SCAPER: variants seen among roughly 807,000 people sequenced by gnomAD.
SCAPER encodes the protein S-phase cyclin A associated protein in the ER.
A neutral mutation model predicts 182.2 loss-of-function variants in SCAPER; 98 were observed. That is an observed-to-expected ratio of 0.54 (90% CI 0.46 to 0.64). The LOEUF is 0.64. SCAPER is among the 30% of genes least tolerant of loss of function. The pLI is 0.00. For missense variants in SCAPER, 1,432 were observed against 1,690.0 expected (o/e 0.85, Z 2.68); for synonymous variants, 605 against 564.6 (o/e 1.07, Z -1.01).
intron 26 of SCAPER, among the ~76,000 whole-genome samples, chr15:76,422,294 T>C (rs1181989827): frequency 4.6e-5 from 7 of 152,220 alleles, no homozygotes; most frequent in African/African-American, 9.6e-5. Flanking sequence ...TTTTATTTCA[T>C]TGAGCAGTGA....
intron 4 of SCAPER, among the ~76,000 whole-genome samples, chr15:76,856,347 G>A (rs3110382): frequency 0.58 from 88,125 of 151,714 alleles, 26,438 homozygotes; most frequent in African/African-American, 0.74. Context: ...TAATCTGTAC[G>A]ACAAACCCCC....
intron 23 of SCAPER, among the ~76,000 whole-genome samples, chr15:76,534,085 T>C (rs747011775): frequency 5.3e-4 from 80 of 152,338 alleles, no homozygotes; most frequent in Middle Eastern, 3.4e-3. Flanking sequence ...TTGGTCACTA[T>C]AGTGAGCAGG....
At chr15:76,648,042 T>C (rs1379735529) in intron 21 of SCAPER, among the ~76,000 whole-genome samples, 1 of 152,012 alleles carries the variant, frequency 6.6e-6, no homozygotes, top group Non-Finnish European at 1.5e-5. Flanking sequence ...TACTGTCCAA[T>C]ATATGAAAAA....
At chr15:76,718,501 C>T (rs1026479278) in intron 17 of SCAPER, among the ~76,000 whole-genome samples, 1 of 151,994 alleles carries the variant, frequency 6.6e-6, no homozygotes, top group African/African-American at 2.4e-5. Context: ...ATCAGCCACG[C>T]ATGGTGGCAC....
At chr15:76,736,440 C>T (rs1340979273) in intron 15 of SCAPER, among the ~76,000 whole-genome samples, 1 of 152,130 alleles carries the variant, frequency 6.6e-6, no homozygotes, top group African/African-American at 2.4e-5. Flanking sequence ...GTATGTGATG[C>T]TGTTTGATAG....
intron 24 of SCAPER, among the ~76,000 whole-genome samples, chr15:76,494,562 AAT>A (rs1480767471): frequency 1.3e-5 from 2 of 152,162 alleles, no homozygotes; most frequent in Non-Finnish European, 2.9e-5. Flanking sequence ...CTTTTATTAA[AAT>A]AGTGAAAGTT....
intron 2 of SCAPER, among the ~76,000 whole-genome samples, chr15:76,882,025 T>C (rs981028471): frequency 2.6e-5 from 4 of 152,088 alleles, no homozygotes; most frequent in African/African-American, 7.2e-5. Flanking sequence ...TGCTATTAAA[T>C]TAAAATTAAA....
At chr15:76,446,727 A>G (rs1440245806) in intron 25 of SCAPER, among the ~76,000 whole-genome samples, 2 of 152,226 alleles carry the variant, frequency 1.3e-5, no homozygotes, top group African/African-American at 4.8e-5. Context: ...ATCCTGAAGT[A>G]GACAAATTCA....
chr15:76,474,724 CTTA>C (rs1424870588), intron 24 of SCAPER, among the ~76,000 whole-genome samples: 1 of 152,062 alleles, frequency 6.6e-6, no homozygotes, highest in African/African-American at 2.4e-5. Flanking sequence ...GGTTATTAAT[CTTA>C]TTATTCTTAA....
At chr15:76,879,723 A>G (rs1209235615) in intron 2 of SCAPER, among the ~76,000 whole-genome samples, 1 of 152,198 alleles carries the variant, frequency 6.6e-6, no homozygotes, top group Non-Finnish European at 1.5e-5. Flanking sequence ...TAGCCCAGCC[A>G]AAGCCTAATG....
rs755949026 is a variant in SCAPER, at chr15:76,771,755, G to C, written c.1235C>G (p.Ser412Ter). The C allele has an allele frequency of 1.9e-6, 3 of 1,612,500 alleles. No homozygotes were observed. Among genetic ancestry groups the C allele is most frequent in the Non-Finnish European group, 2.5e-6 (3 of 1,179,016 alleles). ...AGCAGCACTCACATTTGAAATATCT[G>C]AAGGGTCCATTTCATTTTCTATCCT... The part of the protein sequence containing the change: ...KARIENEMDP[S>*]DISNSMAEVL... Residue 412 changes from serine to a stop codon, truncating the protein, a stop_gained, in exon 10 of 32, where the codon TCA (serine) becomes TGA (stop). Coordinates refer to ENST00000563290, the MANE Select transcript of SCAPER (RefSeq NM_020843.4). LOFTEE classifies it high-confidence loss of function.
intron 8 of SCAPER, 93 bp downstream of exon 8, chr15:76,795,187 C>A: frequency 8.5e-7 from 1 of 1,173,584 alleles, no homozygotes; most frequent in Admixed American, 2.4e-5. Flanking sequence ...GTATGTTGTA[C>A]AAAAAGATAA....
At chr15:76,750,235 T>A (rs1014006045) in intron 15 of SCAPER, among the ~76,000 whole-genome samples, 2 of 151,630 alleles carry the variant, frequency 1.3e-5, no homozygotes, top group African/African-American at 2.4e-5. Context: ...CTACAAAGAC[T>A]AAATCAAAAA....
chr15:76,637,177 C>T (rs1013646057), intron 21 of SCAPER, among the ~76,000 whole-genome samples: 2 of 152,058 alleles, frequency 1.3e-5, no homozygotes, highest in African/African-American at 4.8e-5. Flanking sequence ...GACTCCATTC[C>T]TTCTGATCCC....
chr15:76,614,808 GA>G (rs1209520406), intron 22 of SCAPER, among the ~76,000 whole-genome samples: 1 of 152,058 alleles, frequency 6.6e-6, no homozygotes, highest in East Asian at 1.9e-4. Context: ...TTAAAATAGA[GA>G]AAAATCAATG....
intron 20 of SCAPER, among the ~76,000 whole-genome samples, chr15:76,670,183 T>C (rs2056909998): frequency 6.6e-6 from 1 of 151,808 alleles, no homozygotes; most frequent in African/African-American, 2.4e-5. Flanking sequence ...ATACAAAATA[T>C]ATATAAATAA....
At chr15:76,750,401 G>A (rs974776181) in intron 15 of SCAPER, among the ~76,000 whole-genome samples, 2 of 151,936 alleles carry the variant, frequency 1.3e-5, no homozygotes, top group South Asian at 4.1e-4. Context: ...CCAAACAATT[G>A]AAGAGGAGGG....
At chr15:76,682,444 C>G (rs2057780890) in intron 20 of SCAPER, among the ~76,000 whole-genome samples, 2 of 152,138 alleles carry the variant, frequency 1.3e-5, no homozygotes, top group Admixed American at 6.5e-5. Context: ...CCTGCCACTG[C>G]AAGCGCGAGT....
intron 5 of SCAPER, among the ~76,000 whole-genome samples, chr15:76,824,998 A>T (rs188279100): frequency 6.6e-6 from 1 of 152,322 alleles, no homozygotes; most frequent in Non-Finnish European, 1.5e-5. Flanking sequence ...CCCACTAAGA[A>T]AAATCAGAGA....
Sources: allele counts gnomAD v4.1 joint callset (sites outside exome capture counted in the v4.1 genomes callset), GRCh38; gene constraint gnomAD v4.1.1; transcripts MANE v1.5; gene names NCBI Gene and HGNC (gene_info 2026-07-23, HGNC 2026-07-21).